Variants in SLC6A17 observed in about 807,000 individuals in gnomAD.
SLC6A17 encodes solute carrier family 6 member 17.
SLC6A17 carries 21 observed loss-of-function variants against 64.5 expected under a neutral mutation model. The observed-to-expected ratio is 0.33, with a 90% confidence interval of 0.23 to 0.47. The LOEUF is 0.47. SLC6A17 is among the 20% of genes least tolerant of loss of function. The probability of loss-of-function intolerance (pLI) is 1.00; values close to 1 mark genes in which losing one functional copy is unlikely to be tolerated. For synonymous variants in SLC6A17, 372 were observed against 399.5 expected (o/e 0.93, Z 0.82); for missense variants, 682 against 963.2 (o/e 0.71, Z 3.86).
At chr1:110,153,796 T>A (rs1384644740) in intron 1 of SLC6A17, among the ~76,000 whole-genome samples, 1 of 152,146 alleles carries the variant, frequency 6.6e-6, no homozygotes, top group African/African-American at 2.4e-5. Flanking sequence ...GGATTTAAGC[T>A]TTTTTGCTAG....
chr1:110,181,849 C>T (rs988825049), intron 6 of SLC6A17, among the ~76,000 whole-genome samples: 3 of 152,098 alleles, frequency 2.0e-5, no homozygotes, highest in African/African-American at 7.2e-5. Flanking sequence ...GCCAGTGTGG[C>T]TCGAATAGGA....
In SLC6A17 at chr1:110,200,144, G is replaced by T; in HGVS notation, c.*1700G>T. 1 of 398,500 alleles carries T rather than the reference G, an allele frequency of 2.5e-6. No homozygotes were observed. The highest frequency in any genetic ancestry group is 1.3e-4 in the South Asian group (1 of 7,846). The allele number at this position is 398,500 out of a possible 1,614,324, so 24.7% of individuals were successfully genotyped here. Reference sequence around the variant, plus strand: ...ATTGCTCTTAGGACCTGGAGGGACAGACCAGAATCAGGGTCCCCTCCTTTA... The same window carrying T: ...ATTGCTCTTAGGACCTGGAGGGACATACCAGAATCAGGGTCCCCTCCTTTA... On this transcript the variant is annotated 3_prime_UTR_variant, in exon 12 of 12. Transcript: ENST00000331565.
intron 2 of SLC6A17, among the ~76,000 whole-genome samples, chr1:110,171,227 A>G (rs747852984): frequency 6.6e-6 from 1 of 152,146 alleles, no homozygotes. Context: ...CTGGCCTGAC[A>G]GTGTTTGACA....
At chr1:110,193,053 T>G (rs1030476718) in intron 8 of SLC6A17, among the ~76,000 whole-genome samples, 5 of 152,154 alleles carry the variant, frequency 3.3e-5, no homozygotes, top group African/African-American at 1.2e-4. Context: ...ATCAAAGAAG[T>G]GTTGAAGTTA....
chr1:110,161,933 C>T (rs1655921713), intron 1 of SLC6A17, among the ~76,000 whole-genome samples: 1 of 152,216 alleles, frequency 6.6e-6, no homozygotes, highest in African/African-American at 2.4e-5. Context: ...CTGTCTGCCT[C>T]CCAGTCACAC....
At chr1:110,176,973 G>A (rs1656393186) in intron 6 of SLC6A17, among the ~76,000 whole-genome samples, 1 of 152,186 alleles carries the variant, frequency 6.6e-6, no homozygotes, top group African/African-American at 2.4e-5. Context: ...CAGAGAGGAG[G>A]TAACATCTGA....
intron 2 of SLC6A17, among the ~76,000 whole-genome samples, chr1:110,171,038 T>G (rs1656210550): frequency 1.3e-5 from 2 of 152,206 alleles, no homozygotes; most frequent in Non-Finnish European, 2.9e-5. Context: ...CTGCCAGAAT[T>G]TGTGCCTAGG....
chr1:110,179,595 C>T (rs902871823), intron 6 of SLC6A17, among the ~76,000 whole-genome samples: 10 of 126,746 alleles, frequency 7.9e-5, no homozygotes, highest in African/African-American at 2.9e-4. Flanking sequence ...CTCTTGTTGC[C>T]CAGTCTGAAG....
intron 6 of SLC6A17, among the ~76,000 whole-genome samples, chr1:110,184,910 T>C (rs1438253185): frequency 6.6e-6 from 1 of 152,144 alleles, no homozygotes; most frequent in Non-Finnish European, 1.5e-5. Flanking sequence ...TGTTACAGGA[T>C]ACAGGGATGA....
intron 1 of SLC6A17, among the ~76,000 whole-genome samples, chr1:110,156,624 A>G (rs962011839): frequency 6.6e-6 from 1 of 152,190 alleles, no homozygotes; most frequent in African/African-American, 2.4e-5. Context: ...TCTTGAAGAT[A>G]AGAATTGTAT....
intron 3 of SLC6A17, among the ~76,000 whole-genome samples, chr1:110,172,760 G>C (rs1366981292): frequency 6.6e-6 from 1 of 152,218 alleles, no homozygotes; most frequent in Non-Finnish European, 1.5e-5. Flanking sequence ...GGAACAGTGA[G>C]AGACAGGGAG....
At chr1:110,187,188 TGAACAATTCGCTAATCAGGCA>T (rs11267498) in intron 6 of SLC6A17, among the ~76,000 whole-genome samples, 43,639 of 151,750 alleles carry the variant, frequency 0.29, 7,539 homozygotes, top group Non-Finnish European at 0.38. Flanking sequence ...AATTGAGCAA[TGAACAATTCGCTAATCAGGCA>T]GAACAATTCG....
intron 6 of SLC6A17, among the ~76,000 whole-genome samples, chr1:110,187,682 C>A (rs1314867057): frequency 6.6e-6 from 1 of 152,260 alleles, no homozygotes; most frequent in Non-Finnish European, 1.5e-5. Flanking sequence ...CTAGGAGAAG[C>A]GCCCAGGCTC....
At chr1:110,162,458 A>G (rs1254231733) in intron 1 of SLC6A17, among the ~76,000 whole-genome samples, 1 of 152,220 alleles carries the variant, frequency 6.6e-6, no homozygotes, top group Non-Finnish European at 1.5e-5. Context: ...CGGAGAAGTT[A>G]GGGCAATAGT....
chr1:110,198,398 A>G lies in SLC6A17; in HGVS notation c.2138A>G (p.Tyr713Cys). 4 of 1,613,796 alleles carry G rather than the reference A, an allele frequency of 2.5e-6. No homozygotes were observed. The highest frequency in any genetic ancestry group is 3.4e-6 in the Non-Finnish European group (4 of 1,179,948). ...ACCAGCGGTAACCCCAATGGACGCT[A>G]TGGGAGCGGCTACCTGCTGGCCAGC... ...LETSGNPNGR[Y>C]GSGYLLASTP... The change falls in exon 12 of 12, where the codon TAT (tyrosine) becomes TGT (cysteine). Residue 713 changes from tyrosine to cysteine, a missense_variant. By Grantham distance (194) the Tyr-to-Cys change is radical. Around this residue, in one of 3 missense-constraint regions of SLC6A17, gnomAD observed 264 missense variants for 339.5 expected, o/e 0.78. Transcript: ENST00000331565.
chr1:110,199,013 G>T lies in SLC6A17; in HGVS notation c.*569G>T, dbSNP rs1282551901. The stretch of plus-strand genomic sequence containing the variant: ...CAGGGCTCAGGGCTCAGACTTGGGA[G>T]GGCCTAGGCAGAAGCCCCAAGTTCT... On this transcript the variant is annotated 3_prime_UTR_variant, in exon 12 of 12. Transcript: ENST00000331565. 6.5e-6 allele frequency: 1 copy of T among 153,182 alleles called. No individual in the cohort carries two copies. The highest frequency in any genetic ancestry group is 2.4e-5 in the African/African-American group (1 of 41,466). The allele number at this position is 153,182 out of a possible 1,614,324, so 9.5% of individuals were successfully genotyped here.
At chr1:110,190,989 C>T (rs1656810732) in intron 6 of SLC6A17, among the ~76,000 whole-genome samples, 1 of 152,206 alleles carries the variant, frequency 6.6e-6, no homozygotes, top group Admixed American at 6.5e-5. Flanking sequence ...TGCACCCCCG[C>T]AAAACACAAA....
intron 1 of SLC6A17, among the ~76,000 whole-genome samples, chr1:110,165,864 G>C (rs1165441186): frequency 3.3e-5 from 5 of 152,220 alleles, no homozygotes; most frequent in African/African-American, 4.8e-5. Flanking sequence ...GCTGGGGTGT[G>C]TGTGTTTAAT....
intron 6 of SLC6A17, among the ~76,000 whole-genome samples, chr1:110,187,967 A>G (rs1001493687): frequency 4.6e-5 from 7 of 152,270 alleles, no homozygotes; most frequent in African/African-American, 1.4e-4. Context: ...CCAAATAGCC[A>G]TGAAAAACAA....
Sources: allele counts gnomAD v4.1 joint callset (sites outside exome capture counted in the v4.1 genomes callset), GRCh38; gene constraint gnomAD v4.1.1; regional missense constraint gnomAD v4.1.1; transcripts MANE v1.5; gene names NCBI Gene and HGNC (gene_info 2026-07-23, HGNC 2026-07-21).